The following MAGI2 variants were observed in gnomAD, a reference collection of about 807,000 sequenced individuals.
MAGI2 encodes the protein membrane associated guanylate kinase, WW and PDZ domain containing 2.
MAGI2 carries 35 observed loss-of-function variants against 133.3 expected under a neutral mutation model. The ratio of observed to expected loss-of-function variants is 0.26; its 90% CI spans 0.20 to 0.35. The LOEUF is 0.35. MAGI2 is among the 10% of genes least tolerant of loss of function. The pLI is 1.00. For missense variants in MAGI2, 1,636 were observed against 1,863.4 expected (o/e 0.88, Z 2.25); for synonymous variants, 729 against 710.6 (o/e 1.03, Z -0.41).
intron 2 of MAGI2, among the ~76,000 whole-genome samples, chr7:78,726,432 TA>T (rs1274935530): frequency 6.6e-6 from 1 of 152,212 alleles, no homozygotes; most frequent in East Asian, 1.9e-4. Flanking sequence ...GTTAACTTCA[TA>T]AATCTTTCCT....
intron 2 of MAGI2, among the ~76,000 whole-genome samples, chr7:78,788,076 A>T (rs1476302584): frequency 2.0e-5 from 3 of 152,182 alleles, no homozygotes; most frequent in African/African-American, 4.8e-5. Flanking sequence ...CAGATCCTGG[A>T]TGAGCTTGTG....
chr7:78,102,144 C>G (rs752820868), intron 20 of MAGI2, among the ~76,000 whole-genome samples: 1 of 151,986 alleles, frequency 6.6e-6, no homozygotes, highest in Non-Finnish European at 1.5e-5. Flanking sequence ...ATATGTGGAA[C>G]CTTAAAAAGT....
At chr7:79,227,163 GC>G (rs1474198291) in intron 1 of MAGI2, among the ~76,000 whole-genome samples, 1 of 152,138 alleles carries the variant, frequency 6.6e-6, no homozygotes, top group African/African-American at 2.4e-5. Flanking sequence ...CTTTCATGCA[GC>G]CATAAATTAC....
intron 2 of MAGI2, among the ~76,000 whole-genome samples, chr7:78,851,598 G>GT (rs938679685): frequency 6.6e-6 from 1 of 151,954 alleles, no homozygotes; most frequent in Non-Finnish European, 1.5e-5. Context: ...TTTTTACATT[G>GT]TTTTTTCTAC....
At chr7:79,125,659 A>G (rs992714998) in intron 1 of MAGI2, 2 of 529,458 alleles carry the variant, frequency 3.8e-6, no homozygotes, top group African/African-American at 1.9e-5. Flanking sequence ...AATTACAACA[A>G]TCAATCTTTA....
At chr7:79,435,338 C>T (rs763923468) in intron 1 of MAGI2, among the ~76,000 whole-genome samples, 10 of 152,176 alleles carry the variant, frequency 6.6e-5, no homozygotes, top group Admixed American at 1.3e-4. Context: ...GAATTAAATG[C>T]TGCCTGTCCT....
At chr7:78,741,650 T>C (rs891900649) in intron 2 of MAGI2, among the ~76,000 whole-genome samples, 5 of 152,168 alleles carry the variant, frequency 3.3e-5, no homozygotes, top group Admixed American at 6.5e-5. Context: ...TAGTGGAATT[T>C]GATTAAATCT....
intron 2 of MAGI2, among the ~76,000 whole-genome samples, chr7:78,958,078 G>A (rs1388919009): frequency 1.3e-5 from 2 of 152,146 alleles, no homozygotes; most frequent in African/African-American, 4.8e-5. Flanking sequence ...AGGGGAATAG[G>A]AGCCACTGCT....
At chr7:79,039,779 C>G (rs184223176) in intron 1 of MAGI2, among the ~76,000 whole-genome samples, 1 of 146,592 alleles carries the variant, frequency 6.8e-6, no homozygotes, top group Non-Finnish European at 1.5e-5. Flanking sequence ...GTTAGGAGTT[C>G]GAGACATATA....
At chr7:79,338,947 G>A (rs1840689410) in intron 1 of MAGI2, among the ~76,000 whole-genome samples, 1 of 152,068 alleles carries the variant, frequency 6.6e-6, no homozygotes, top group African/African-American at 2.4e-5. Flanking sequence ...CACTCAAGTG[G>A]TATTAGCTAC....
chr7:78,313,709 T>C (rs966708698), intron 9 of MAGI2, among the ~76,000 whole-genome samples: 1 of 152,100 alleles, frequency 6.6e-6, no homozygotes, highest in Non-Finnish European at 1.5e-5. Context: ...AGTAGCACAT[T>C]TTGTTTACTT....
chr7:78,656,491 A>G (rs1659599722), intron 2 of MAGI2, among the ~76,000 whole-genome samples: 1 of 152,166 alleles, frequency 6.6e-6, no homozygotes, highest in Non-Finnish European at 1.5e-5. Context: ...AATACACAGA[A>G]ACAGAGAGTA....
intron 1 of MAGI2, among the ~76,000 whole-genome samples, chr7:79,270,970 T>G (rs552692554): frequency 6.6e-6 from 1 of 152,236 alleles, no homozygotes; most frequent in South Asian, 2.1e-4. Flanking sequence ...TGGTATTTTT[T>G]TCTTCATCCT....
chr7:78,679,693 GAC>G (rs543523506), intron 2 of MAGI2, among the ~76,000 whole-genome samples: 42 of 152,264 alleles, frequency 2.8e-4, no homozygotes, highest in African/African-American at 9.6e-4. Flanking sequence ...ACGTAGAAAA[GAC>G]AGGTCGGAGG....
At chr7:78,762,198 C>T (rs901505305) in intron 2 of MAGI2, among the ~76,000 whole-genome samples, 1 of 110,350 alleles carries the variant, frequency 9.1e-6, no homozygotes, top group East Asian at 2.7e-4. Context: ...AATCCCAGCA[C>T]TTTGGGAGGA....
chr7:78,861,089 GGA>G (rs769417341), intron 2 of MAGI2, among the ~76,000 whole-genome samples: 58 of 152,138 alleles, frequency 3.8e-4, no homozygotes, highest in Non-Finnish European at 6.8e-4. Context: ...TAAGGCCATT[GGA>G]AAAGTGCAGT....
chr7:78,694,379 T>C (rs2151130751), intron 2 of MAGI2, among the ~76,000 whole-genome samples: 1 of 152,310 alleles, frequency 6.6e-6, no homozygotes, highest in South Asian at 2.1e-4. Flanking sequence ...TACAGTAGCA[T>C]CGCTCTCATG....
intron 3 of MAGI2, among the ~76,000 whole-genome samples, chr7:78,601,282 A>G (rs975847270): frequency 1.3e-5 from 2 of 152,210 alleles, no homozygotes; most frequent in Non-Finnish European, 2.9e-5. Context: ...TGAAGAAGTT[A>G]GAGAATAATG....
At chr7:79,250,285 C>A in intron 1 of MAGI2, among the ~76,000 whole-genome samples, 1 of 145,738 alleles carries the variant, frequency 6.9e-6, no homozygotes, top group Non-Finnish European at 1.5e-5. Flanking sequence ...TATTGGAAGT[C>A]ATATCTAGAC....
Sources: gnomAD v4.1 joint callset for allele counts (sites outside exome capture counted in the v4.1 genomes callset) on GRCh38, gnomAD v4.1.1 for gene constraint, MANE v1.5 for transcripts, NCBI Gene and HGNC (gene_info 2026-07-23, HGNC 2026-07-21) for gene names.